Variants in LAMA2 observed in about 807,000 individuals in gnomAD.
The protein encoded by LAMA2 is laminin subunit alpha 2.
In LAMA2, 269 loss-of-function variants were observed where a neutral mutation model predicts 364.8. The ratio of observed to expected loss-of-function variants is 0.74; its 90% confidence interval spans 0.67 to 0.82. LAMA2 has a LOEUF of 0.82. Among genes scored for constraint, LAMA2 ranks in the 40% least tolerant of loss-of-function variants. LAMA2 has a pLI of 0.00. For synonymous variants in LAMA2, 1,379 were observed against 1,370.6 expected, an observed-to-expected ratio of 1.01 and a Z score of -0.14; for missense variants, 3,807 against 3,873.2, an observed-to-expected ratio of 0.98 and a Z score of 0.45.
chr6:128,980,825 T>G (rs977922311), intron 1 of LAMA2, among the ~76,000 whole-genome samples: 3 of 152,226 alleles, frequency 2.0e-5, no homozygotes, highest in Admixed American at 2.0e-4. Flanking sequence ...AAAAAAGCTT[T>G]GATTTTAACG....
chr6:129,214,816 T>A lies in LAMA2; in HGVS notation c.1782+21963T>A, dbSNP rs552490372. Among the ~76,000 whole-genome samples, 19 of 152,280 alleles carry A rather than the reference T, an allele frequency of 1.2e-4. No homozygotes were observed. In the South Asian group the frequency reaches 2.1e-3, roughly 17 times the overall value. ...AATCAGTGTGTTGATATCCAAAAAA[T>A]AACTTGCTGGGATTTTGACTGGGAT... On this transcript the variant is annotated intron_variant, in intron 12 of 64. Coordinates refer to ENST00000421865, the MANE Select transcript of LAMA2 (RefSeq NM_000426.4).
intron 9 of LAMA2, among the ~76,000 whole-genome samples, chr6:129,172,881 G>A (rs146306110): frequency 1.3e-4 from 20 of 152,210 alleles, no homozygotes; most frequent in Non-Finnish European, 2.8e-4. Flanking sequence ...ATGGTTCACC[G>A]TTTTTTAAGC....
intron 1 of LAMA2, among the ~76,000 whole-genome samples, chr6:128,943,391 C>T (rs1251099792): frequency 6.6e-6 from 1 of 151,976 alleles, no homozygotes; most frequent in Admixed American, 6.5e-5. Context: ...TCAAGCAATT[C>T]TCATGCCTCA....
At chr6:129,231,667 G>T (rs1784676423) in intron 12 of LAMA2, among the ~76,000 whole-genome samples, 1 of 152,036 alleles carries the variant, frequency 6.6e-6, no homozygotes, top group African/African-American at 2.4e-5. Context: ...TTATTCCTTT[G>T]TCCTTTAGTT....
chr6:129,455,980 A>G (rs1323433121), intron 47 of LAMA2, among the ~76,000 whole-genome samples: 1 of 152,198 alleles, frequency 6.6e-6, no homozygotes, highest in Non-Finnish European at 1.5e-5. Flanking sequence ...GTGTTGGTAA[A>G]TAGTAAATTA....
chr6:129,175,568 G>A (rs760277677), intron 9 of LAMA2, among the ~76,000 whole-genome samples: 1 of 152,172 alleles, frequency 6.6e-6, no homozygotes, highest in African/African-American at 2.4e-5. Context: ...TTTGAAAACA[G>A]TCTGTAAAAA....
At chr6:128,960,639 C>T (rs1489304076) in intron 1 of LAMA2, among the ~76,000 whole-genome samples, 3 of 152,154 alleles carry the variant, frequency 2.0e-5, no homozygotes, top group Non-Finnish European at 2.9e-5. Flanking sequence ...GGATTACAGG[C>T]GTGAGCCACC....
At chr6:129,109,441 T>G (rs1183650669) in intron 4 of LAMA2, among the ~76,000 whole-genome samples, 2 of 152,072 alleles carry the variant, frequency 1.3e-5, no homozygotes, top group East Asian at 3.9e-4. Context: ...TAGACATAGT[T>G]GAGATCCATT....
chr6:128,965,702 T>C (rs1781795684), intron 1 of LAMA2, among the ~76,000 whole-genome samples: 1 of 152,044 alleles, frequency 6.6e-6, no homozygotes, highest in African/African-American at 2.4e-5. Flanking sequence ...TTATGTCACA[T>C]AAAAACTGTG....
intron 12 of LAMA2, among the ~76,000 whole-genome samples, chr6:129,219,981 AAAAAT>A (rs1296009613): frequency 6.6e-5 from 10 of 151,996 alleles, no homozygotes; most frequent in East Asian, 5.8e-4. Context: ...ATAATAAAAT[AAAAAT>A]AAAATAAAAT....
intron 4 of LAMA2, among the ~76,000 whole-genome samples, chr6:129,132,168 CTT>C (rs1179325141): frequency 1.6e-4 from 22 of 140,038 alleles, no homozygotes; most frequent in Middle Eastern, 3.6e-3. Flanking sequence ...TGACCTTACT[CTT>C]TTTTTTTTTT....
chr6:128,921,697 G>GTTTTTT (rs547882651), intron 1 of LAMA2, among the ~76,000 whole-genome samples: 28 of 118,048 alleles, frequency 2.4e-4, no homozygotes, highest in African/African-American at 1.0e-3. Flanking sequence ...ATGAATGTCT[G>GTTTTTT]TTTTTTTTTT....
At chr6:129,213,036 A>G (rs1351382597) in intron 12 of LAMA2, among the ~76,000 whole-genome samples, 1 of 152,204 alleles carries the variant, frequency 6.6e-6, no homozygotes, top group East Asian at 1.9e-4. Context: ...AAAATTTTTC[A>G]GAAGTGACAA....
intron 29 of LAMA2, among the ~76,000 whole-genome samples, chr6:129,336,751 G>A (rs1775980780): frequency 6.6e-6 from 1 of 152,160 alleles, no homozygotes; most frequent in Non-Finnish European, 1.5e-5. Flanking sequence ...CAGCTGATAG[G>A]TTGATGGGCA....
chr6:129,231,893 A>T (rs1020338436), intron 12 of LAMA2, among the ~76,000 whole-genome samples: 1 of 152,236 alleles, frequency 6.6e-6, no homozygotes, highest in East Asian at 1.9e-4. Context: ...ATGCCATTAG[A>T]TATTAGTGAC....
chr6:129,010,932 C>T (rs562563683), intron 1 of LAMA2, among the ~76,000 whole-genome samples: 2 of 152,202 alleles, frequency 1.3e-5, no homozygotes, highest in African/African-American at 2.4e-5. Context: ...CCTATATATT[C>T]GCGTGTTCAC....
At chr6:128,997,572 A>G (rs910061833) in intron 1 of LAMA2, among the ~76,000 whole-genome samples, 1 of 152,158 alleles carries the variant, frequency 6.6e-6, no homozygotes, top group African/African-American at 2.4e-5. Flanking sequence ...AGGCAGGTGG[A>G]TCACTTGAGG....
At chr6:129,088,575 C>T (rs1008685300) in intron 3 of LAMA2, among the ~76,000 whole-genome samples, 5 of 151,706 alleles carry the variant, frequency 3.3e-5, no homozygotes, top group Admixed American at 2.6e-4. Context: ...TGGGGGCTGC[C>T]CCCACCTCCC....
At chr6:129,346,455 G>T (rs1406704469) in intron 30 of LAMA2, among the ~76,000 whole-genome samples, 1 of 152,142 alleles carries the variant, frequency 6.6e-6, no homozygotes, top group Non-Finnish European at 1.5e-5. Flanking sequence ...TTACTATACA[G>T]AATTATTTCA....
Sources: gnomAD v4.1 joint callset for allele counts (sites outside exome capture counted in the v4.1 genomes callset) on GRCh38, gnomAD v4.1.1 for gene constraint, MANE v1.5 for transcripts, NCBI Gene and HGNC (gene_info 2026-07-23, HGNC 2026-07-21) for gene names.